FAM3A: variants seen among roughly 807,000 people sequenced by gnomAD.
FAM3A encodes FAM3 metabolism regulating signaling molecule A.
In FAM3A, 5 loss-of-function variants were observed where a neutral mutation model predicts 18.1. The observed-to-expected ratio is 0.28, with a 90% CI of 0.14 to 0.58. The LOEUF (loss-of-function observed/expected upper bound fraction) is 0.58. Among genes scored for constraint, FAM3A ranks in the 20% least tolerant of loss-of-function variants. The pLI is 0.91. For synonymous variants in FAM3A, 108 were observed against 90.2 expected, an observed-to-expected ratio of 1.20 and a Z score of -1.12; for missense variants, 154 against 216.6, an observed-to-expected ratio of 0.71 and a Z score of 1.81.
At chrX:154,507,935 G>A (rs1261989467) in intron 5 of FAM3A, 74 bp from the exon 6 acceptor site, 7 of 922,794 alleles carry the variant, frequency 7.6e-6, no homozygotes, top group African/African-American at 3.9e-5. Flanking sequence ...TAGCACCGGG[G>A]GTGGGGGGCA....
intron 1 of FAM3A, among the ~76,000 whole-genome samples, chrX:154,514,305 G>A (rs1557224438): frequency 9.0e-6 from 1 of 111,437 alleles, no homozygotes; most frequent in African/African-American, 3.3e-5. Context: ...GTGCAATGGC[G>A]CGATGTCGGC....
At chrX:154,514,066 C>T (rs903802386) in intron 1 of FAM3A, among the ~76,000 whole-genome samples, 4 of 110,086 alleles carry the variant, frequency 3.6e-5, no homozygotes, top group African/African-American at 1.3e-4. Context: ...CCATGTCCAC[C>T]TGACAGAAGC....
At position 154,512,844 on chromosome X, in the gene FAM3A, G is replaced by A. The variant is rs1409197794; in HGVS notation, c.106C>T (p.Arg36Cys). Reference sequence around the variant, plus strand: ...TCACTGGTGAAGAGTTGCTGGATGCGAGGAAAGCCACTGCCAGGCCCACCC... The same window carrying A: ...TCACTGGTGAAGAGTTGCTGGATGCAAGGAAAGCCACTGCCAGGCCCACCC... ...LLGGPGSGFPRIQQLFTSPES... is the reference protein window; with the variant it reads ...LLGGPGSGFPCIQQLFTSPES... Residue 36 changes from arginine (R) to cysteine (C), a missense_variant, in exon 2 of 9, where the codon CGC becomes TGC. By Grantham distance (180) the Arg-to-Cys change is radical (BLOSUM62 -3). Coordinates refer to ENST00000447601, the MANE Select transcript of FAM3A (RefSeq NM_021806.4). 8.3e-6 allele frequency: 10 copies of A among 1,207,937 alleles called. No individual in the cohort carries two copies. The East Asian group carries it at 8.9e-5, about 11-fold the overall frequency.
intron 1 of FAM3A, among the ~76,000 whole-genome samples, chrX:154,513,925 T>C (rs2070033871): frequency 9.0e-6 from 1 of 110,551 alleles, no homozygotes; most frequent in Non-Finnish European, 1.9e-5. Context: ...CCTCCCACCC[T>C]ACTCCAGTCT....
chrX:154,510,236 C>A (rs2069793284), intron 3 of FAM3A: 1 of 111,708 alleles, frequency 9.0e-6, no homozygotes, highest in Non-Finnish European at 1.9e-5. Flanking sequence ...TGTGGTGGTA[C>A]ATGCCTGTAA....
chrX:154,511,868 G>C lies in FAM3A; in HGVS notation c.131C>G (p.Pro44Arg), dbSNP rs145680913. 9 of 1,207,639 alleles carry C rather than the reference G, an allele frequency of 7.5e-6. No individual in the cohort carries two copies. In the African/African-American group the frequency reaches 1.6e-4, roughly 21 times the overall value. ...CTTACCTGCAGTCACCGAGCTCTCT[G>C]GACCTGTGGATACAGAGTGGTTTCT... ...FPRIQQLFTS[P>R]ESSVTAAPRA... The change falls in exon 3 of 9, where the codon CCA becomes CGA. Residue 44 changes from proline (P) to arginine (R), a missense_variant. This residue lies in a region of FAM3A where 112 missense variants were observed against 160.0 expected (regional missense o/e 0.70). Coordinates refer to ENST00000447601, the MANE Select transcript of FAM3A (RefSeq NM_021806.4).
At chrX:154,508,004 C>T in intron 5 of FAM3A, 143 bp from the exon 6 acceptor site, 1 of 567,739 alleles carries the variant, frequency 1.8e-6, no homozygotes, top group South Asian at 3.0e-5. Context: ...CAGGCAGCTG[C>T]ATCCCACCCC....
intron 3 of FAM3A, chrX:154,510,325 A>G (rs2069799322): frequency 1.8e-5 from 2 of 111,263 alleles, no homozygotes; most frequent in Admixed American, 9.6e-5. Context: ...TGGGTGAGAG[A>G]GCAAGACCCT....
intron 8 of FAM3A, 25 bp downstream of exon 8, chrX:154,507,178 G>A: frequency 8.4e-7 from 1 of 1,185,201 alleles, no homozygotes; most frequent in Non-Finnish European, 1.1e-6. Flanking sequence ...GCCCCGGTGG[G>A]GGTGATGCCA....
chrX:154,512,699 A>C, intron 2 of FAM3A, 124 bp downstream of exon 2: 1 of 500,124 alleles, frequency 2.0e-6, no homozygotes, highest in South Asian at 3.0e-5. Flanking sequence ...GGGACAGCCA[A>C]AGGTAGCCTG....
chrX:154,508,114 T>C (rs2069658870), intron 5 of FAM3A, among the ~76,000 whole-genome samples, 175 bp downstream of exon 5: 1 of 112,579 alleles, frequency 8.9e-6, no homozygotes, highest in South Asian at 3.6e-4. Flanking sequence ...ATTGCCATCA[T>C]GCTTTTTTGT....
chrX:154,508,947 G>A (rs1473975218), intron 3 of FAM3A: 7 of 313,664 alleles, frequency 2.2e-5, no homozygotes, highest in Non-Finnish European at 3.7e-5. Flanking sequence ...CAGTGTGGCA[G>A]GGGGTAGTGT....
chrX:154,516,086 T>C lies in FAM3A; in HGVS notation c.-314A>G. 2 of 246,419 alleles carry C rather than the reference T, an allele frequency of 8.1e-6. No individual in the cohort carries two copies. Among genetic ancestry groups the C allele is most frequent in the Non-Finnish European group, 1.5e-5 (2 of 137,642 alleles). 20.3% of individuals were successfully genotyped at this position (246,419 alleles called of 1,213,427 possible). A position where few individuals can be genotyped will look rare whatever the true frequency, so the allele number is the denominator to read the frequency against. ...GGGCCGTTCCTCCGGGCCTGGGGGC[T>C]GGCGATGCGGGCCGGGCCGGAGATT... is the stretch of plus-strand genomic sequence containing the variant. On this transcript the variant is annotated 5_prime_UTR_variant, in exon 1 of 9. Transcript: ENST00000447601.
In FAM3A at chrX:154,515,907, G is replaced by A. The variant is rs1260682644; in HGVS notation, c.-135C>T. 3 of 642,445 alleles carry A rather than the reference G, an allele frequency of 4.7e-6. No individual in the cohort carries two copies. The Admixed American group carries it at 8.1e-5, about 17-fold the overall frequency. 52.9% of individuals were successfully genotyped at this position (642,445 alleles called of 1,213,427 possible). The stretch of plus-strand genomic sequence containing the variant: ...TGGGGGCGGGCGCGATCGGTGCTAC[G>A]ACCTGTTTGTCCAGCCGCCCGGCCA... On this transcript the variant is annotated 5_prime_UTR_variant, in exon 1 of 9. Coordinates refer to ENST00000447601, the MANE Select transcript of FAM3A (RefSeq NM_021806.4).
In FAM3A at chrX:154,506,787, G is replaced by A. The variant is rs781848065; in HGVS notation, c.*24C>T. 48 of 1,190,291 alleles carry A rather than the reference G, an allele frequency of 4.0e-5. No individual in the cohort carries two copies. The highest frequency in any genetic ancestry group is 4.7e-4 in the Middle Eastern group (2 of 4,212). On this transcript the variant is annotated 3_prime_UTR_variant, in exon 9 of 9. Transcript: ENST00000447601. ...TGCCTCCCTTGGTCTGGCCTCCCTC[G>A]GCCCGGTCCTGGCACTGGCCGTGCT...
rs2070170638 is a variant in FAM3A at position 154,515,906 on chromosome X, C to T, written c.-134G>A. The stretch of plus-strand genomic sequence containing the variant: ...CTGGGGGCGGGCGCGATCGGTGCTA[C>T]GACCTGTTTGTCCAGCCGCCCGGCC... On this transcript the variant is annotated 5_prime_UTR_variant, in exon 1 of 9. Coordinates refer to ENST00000447601, the MANE Select transcript of FAM3A (RefSeq NM_021806.4). The T allele has an allele frequency of 1.5e-6, 1 of 653,433 alleles. No homozygotes were observed. The allele number at this position is 653,433 out of a possible 1,213,427, so 53.9% of individuals were successfully genotyped here.
intron 3 of FAM3A, chrX:154,509,124 A>G: frequency 4.3e-6 from 1 of 231,124 alleles, no homozygotes; most frequent in South Asian, 5.0e-5. Context: ...TGCAGTTCAG[A>G]TGGGGTCATA....
At chrX:154,511,179 T>C (rs907523194) in intron 3 of FAM3A, 1 of 111,749 alleles carries the variant, frequency 8.9e-6, no homozygotes, top group African/African-American at 3.2e-5. Context: ...ACTGCAAAAG[T>C]GTCCCCTGGA....
chrX:154,507,233 C>G lies in FAM3A; in HGVS notation c.567G>C (p.Lys189Asn). 2 of 1,208,281 alleles carry G rather than the reference C, an allele frequency of 1.7e-6. No homozygotes were observed. The highest frequency in any genetic ancestry group is 2.2e-6 in the Non-Finnish European group (2 of 893,774). The change falls in exon 8 of 9, where the codon AAG becomes AAC. Residue 189 changes from lysine to asparagine, a missense_variant. By Grantham distance (94) the Lys-to-Asn change is moderately conservative. This residue lies in a region of FAM3A where 39 missense variants were observed against 38.5 expected (regional missense o/e 1.01). Transcript: ENST00000447601. ...CAAAGGGGCTCTTGTTCTGCACACC[C>G]TTGGCCCCGACAAACACCCAGCTGT... ...FRDSWVFVGAKGVQNKSPFEQ... is the reference protein window; with the variant it reads ...FRDSWVFVGANGVQNKSPFEQ...
Sources: allele counts gnomAD v4.1 joint callset (sites outside exome capture counted in the v4.1 genomes callset), GRCh38; gene constraint gnomAD v4.1.1; regional missense constraint gnomAD v4.1.1; transcripts MANE v1.5; gene names NCBI Gene and HGNC (gene_info 2026-07-23, HGNC 2026-07-21).